The following CBR4 variants were observed in gnomAD, a reference collection of about 807,000 sequenced individuals.
CBR4 encodes the protein carbonyl reductase 4, also known as 3-oxoacyl-[acyl-carrier-protein] reductase.
CBR4 carries 22 observed loss-of-function variants against 21.0 expected under a neutral mutation model. That is an observed-to-expected ratio of 1.05 (90% confidence interval 0.75 to 1.50). CBR4 has a LOEUF of 1.50. CBR4 is among the 40% of genes most tolerant of loss of function. The pLI is 0.00. For missense variants in CBR4, 302 were observed against 286.3 expected, an observed-to-expected ratio of 1.05 and a Z score of -0.40; for synonymous variants, 100 against 104.4, an observed-to-expected ratio of 0.96 and a Z score of 0.26.
At chr4:168,930,365 A>C (rs890218214) in intron 2 of CBR4, among the ~76,000 whole-genome samples, 4 of 152,346 alleles carry the variant, frequency 2.6e-5, no homozygotes, top group Admixed American at 2.0e-4. Flanking sequence ...ATTTGAGGAA[A>C]GCCTAATTTG....
intron 2 of CBR4, among the ~76,000 whole-genome samples, chr4:168,923,013 C>T (rs967429688): frequency 2.0e-5 from 3 of 152,230 alleles, no homozygotes; most frequent in African/African-American, 7.2e-5. Context: ...TAATGCCTCA[C>T]AGTGCTTTCC....
chr4:168,974,066 T>A (rs188758811), intron 2 of CBR4, among the ~76,000 whole-genome samples: 2 of 152,338 alleles, frequency 1.3e-5, no homozygotes, highest in Non-Finnish European at 2.9e-5. Context: ...ATTTCAAGAT[T>A]TTCTTTCAAG....
rs1754703207 is a variant in CBR4 at position 168,894,513 on chromosome 4, TCATAGGGCAGTA to T, written n.365+45_365+56del. On this transcript the variant is annotated intron_variant and non_coding_transcript_variant, in intron 3 of 3. Coordinates refer to the CBR4 transcript ENST00000509108. The stretch of plus-strand genomic sequence containing the variant: ...AAAGTGTGTTGTTTTTTACTCTTTT[TCATAGGGCAGTA>T]CATATTTGTGATTTTTTTCTAATTT... 1.4e-5 allele frequency: 14 copies of T among 965,690 alleles called. No individual in the cohort carries two copies. The East Asian group carries it at 3.6e-4, about 25-fold the overall frequency. 59.8% of individuals were successfully genotyped at this position (965,690 alleles called of 1,614,324 possible). A position where few individuals can be genotyped will look rare whatever the true frequency, so the allele number is the denominator to read the frequency against.
At chr4:168,986,585 C>T (rs1351234723), downstream of CBR4, among the ~76,000 whole-genome samples, 1 of 152,112 alleles carries the variant, frequency 6.6e-6, no homozygotes, top group Non-Finnish European at 1.5e-5. Context: ...CTATTACTAG[C>T]AGTGTTACAT....
chr4:168,905,790 C>CTTTTTTTTTTTTTT lies in CBR4; in HGVS notation n.170-11039_170-11026dup, dbSNP rs59427697. Reference sequence around the variant, plus strand: ...ACAAAAGCGGAACTTGCTTTTTTTTCTTTTTTTTTTTTTTTTTTTTCTTTT... The same window carrying CTTTTTTTTTTTTTT: ...ACAAAAGCGGAACTTGCTTTTTTTTCTTTTTTTTTTTTTTTTTTTTTTTTTTTTTTTTTTCTTTT... On this transcript the variant is annotated intron_variant and non_coding_transcript_variant, in intron 2 of 3. Coordinates refer to the CBR4 transcript ENST00000509108. Among the ~76,000 whole-genome samples the CTTTTTTTTTTTTTT allele has an allele frequency of 8.5e-3, 965 of 113,150 alleles. 6 individuals carry two copies. Among genetic ancestry groups the CTTTTTTTTTTTTTT allele is most frequent in the Non-Finnish European group, 0.011 (656 of 57,736 alleles). The allele number at this position is 113,150 out of a possible 152,430, so 74.2% of individuals were successfully genotyped here. A position where few individuals can be genotyped will look rare whatever the true frequency, so the allele number is the denominator to read the frequency against.
chr4:168,956,618 A>C (rs939566573), intron 2 of CBR4, among the ~76,000 whole-genome samples: 2 of 151,032 alleles, frequency 1.3e-5, no homozygotes, highest in African/African-American at 4.9e-5. Flanking sequence ...AAAAAAAAAA[A>C]AAAAAAAAAC....
intron 4 of CBR4, among the ~76,000 whole-genome samples, chr4:168,994,742 CTAAT>C (rs1765101946): frequency 8.5e-6 from 1 of 117,374 alleles, no homozygotes; most frequent in African/African-American, 3.3e-5. Flanking sequence ...CCACGCCTGG[CTAAT>C]TTTTTTTTTT....
chr4:168,979,161 C>A (rs967151659), intron 2 of CBR4, among the ~76,000 whole-genome samples: 1 of 151,784 alleles, frequency 6.6e-6, no homozygotes, highest in Admixed American at 6.6e-5. Flanking sequence ...ACAAGCCCCC[C>A]TCCCTGCTCC....
chr4:168,921,779 G>A lies in CBR4; in HGVS notation n.170-27014C>T, dbSNP rs368042339. ...GTGAATCCTTGCTCTCTGACAGAAT[G>A]AACATCAGACTTACAAATGTAAACT... On this transcript the variant is annotated intron_variant and non_coding_transcript_variant, in intron 2 of 3. Transcript: ENST00000509108. 7 of 1,457,632 alleles carry A rather than the reference G, an allele frequency of 4.8e-6. No individual in the cohort carries two copies. The African/African-American group carries it at 8.4e-5, about 17-fold the overall frequency. 90.3% of individuals were successfully genotyped at this position (1,457,632 alleles called of 1,614,324 possible). A position where few individuals can be genotyped will look rare whatever the true frequency, so the allele number is the denominator to read the frequency against.
chr4:168,983,920 A>C (rs1025201000), downstream of CBR4, among the ~76,000 whole-genome samples: 1 of 152,100 alleles, frequency 6.6e-6, no homozygotes, highest in Non-Finnish European at 1.5e-5. Context: ...AAAATAATAA[A>C]AGCCATCTAA....
chr4:168,894,933 C>T (rs1220182660), intron 2 of CBR4, among the ~76,000 whole-genome samples: 2 of 152,192 alleles, frequency 1.3e-5, no homozygotes, highest in East Asian at 1.9e-4. Context: ...CTTTCCAGTA[C>T]ATTTCCATTT....
chr4:168,929,753 A>T (rs1762912816), intron 2 of CBR4, among the ~76,000 whole-genome samples: 1 of 152,178 alleles, frequency 6.6e-6, no homozygotes, highest in Admixed American at 6.5e-5. Flanking sequence ...GAAAATGGAG[A>T]TTAAAATAGC....
At chr4:168,902,925 C>G (rs72975241) in intron 2 of CBR4, among the ~76,000 whole-genome samples, 1 of 152,042 alleles carries the variant, frequency 6.6e-6, no homozygotes, top group East Asian at 1.9e-4. Context: ...ACATGCACCA[C>G]CACACCCAGA....
At chr4:168,965,263 A>G (rs1486522086) in intron 2 of CBR4, among the ~76,000 whole-genome samples, 1 of 152,232 alleles carries the variant, frequency 6.6e-6, no homozygotes, top group Non-Finnish European at 1.5e-5. Flanking sequence ...AAGAGGACAC[A>G]AACAAATGTA....
At chr4:168,927,783 T>C (rs1248343807) in intron 2 of CBR4, 1 of 219,696 alleles carries the variant, frequency 4.6e-6, no homozygotes, top group Non-Finnish European at 9.2e-6. Context: ...CTTGATGGTT[T>C]TAAGTCGGAA....
At chr4:168,952,015 A>G (rs904430160) in intron 2 of CBR4, among the ~76,000 whole-genome samples, 9 of 152,086 alleles carry the variant, frequency 5.9e-5, no homozygotes, top group African/African-American at 2.2e-4. Context: ...ATGTTTTCCA[A>G]ATTTTTAGAT....
intron 4 of CBR4, among the ~76,000 whole-genome samples, chr4:168,995,689 A>C (rs1460465314): frequency 6.6e-6 from 1 of 152,086 alleles, no homozygotes. Context: ...AATGCCTTTC[A>C]CACTAGGCTA....
rs547776694 is a variant in CBR4, at chr4:168,946,300, A to C, written n.170-51535T>G. Reference sequence around the variant, plus strand: ...AGAGTCTTCTCTGGAGAATCTGACCAGTCAAGAGAAAAACAGCTATAACAA... The same window carrying C: ...AGAGTCTTCTCTGGAGAATCTGACCCGTCAAGAGAAAAACAGCTATAACAA... On this transcript the variant is annotated intron_variant and non_coding_transcript_variant, in intron 2 of 3. Transcript: ENST00000509108. Among the ~76,000 whole-genome samples, 7 of 152,360 alleles carry C rather than the reference A, an allele frequency of 4.6e-5. No homozygotes were observed. The East Asian group carries it at 1.2e-3, about 25-fold the overall frequency.
intron 2 of CBR4, among the ~76,000 whole-genome samples, chr4:168,940,495 G>A (rs1463198796): frequency 6.6e-6 from 1 of 152,052 alleles, no homozygotes; most frequent in South Asian, 2.1e-4. Flanking sequence ...TCATCAGAGT[G>A]AACAGGCAAC....
Sources: allele counts gnomAD v4.1 joint callset (sites outside exome capture counted in the v4.1 genomes callset), GRCh38; gene constraint gnomAD v4.1.1; transcripts MANE v1.5; gene names NCBI Gene and HGNC (gene_info 2026-07-23, HGNC 2026-07-21).